EPHB1: variants seen among roughly 807,000 people sequenced by gnomAD.
The protein encoded by EPHB1 is EPH receptor B1.
EPHB1 carries 30 observed loss-of-function variants against 94.4 expected under a neutral mutation model. The ratio of observed to expected loss-of-function variants is 0.32; its 90% CI spans 0.24 to 0.43. The LOEUF is 0.43. EPHB1 is among the 20% of genes least tolerant of loss of function. The pLI, the probability that EPHB1 is intolerant of heterozygous loss-of-function variation, is 1.00. For missense variants in EPHB1, 1,055 were observed against 1,308.3 expected (o/e 0.81, Z 2.99); for synonymous variants, 522 against 489.1 (o/e 1.07, Z -0.89).
intron 1 of EPHB1, among the ~76,000 whole-genome samples, chr3:134,837,412 C>T (rs1354996727): frequency 2.0e-5 from 3 of 152,192 alleles, no homozygotes; most frequent in Non-Finnish European, 4.4e-5. Context: ...TGATTGTCAT[C>T]CTGCTGGGTT....
At chr3:134,927,668 C>T (rs1368358169) in intron 2 of EPHB1, among the ~76,000 whole-genome samples, 1 of 152,184 alleles carries the variant, frequency 6.6e-6, no homozygotes, top group Non-Finnish European at 1.5e-5. Context: ...TTTCTTTATA[C>T]TTCTGATATC....
rs951567752 is a variant in EPHB1, at chr3:135,259,210, A to C, written c.*90A>C. ...GACCACTGTGGAATGTACTGGAGAG[A>C]CTGGCTTCTCAGCTGAGGAATGCAT... On this transcript the variant is annotated 3_prime_UTR_variant, in exon 16 of 16. Transcript: ENST00000398015. The C allele has an allele frequency of 1.6e-5, 16 of 995,892 alleles. No individual in the cohort carries two copies. In the African/African-American group the frequency reaches 2.3e-4, roughly 14 times the overall value. The allele number at this position is 995,892 out of a possible 1,614,324, so 61.7% of individuals were successfully genotyped here.
intron 3 of EPHB1, among the ~76,000 whole-genome samples, chr3:134,975,716 GAAGAACAGTGTTTTTTTTTTA>G (rs1464376563): frequency 1.2e-4 from 18 of 152,036 alleles, no homozygotes; most frequent in Non-Finnish European, 2.1e-4. Flanking sequence ...TAAAGTTAGT[GAAGAACAGTGTTTTTTTTTTA>G]AACTATTCGT....
intron 4 of EPHB1, among the ~76,000 whole-genome samples, chr3:135,107,347 T>C (rs1939256803): frequency 6.6e-6 from 1 of 152,198 alleles, no homozygotes; most frequent in Non-Finnish European, 1.5e-5. Context: ...GGTGCATTTC[T>C]CCCAATATTC....
intron 5 of EPHB1, among the ~76,000 whole-genome samples, chr3:135,151,640 C>A (rs1339523334): frequency 6.6e-6 from 1 of 152,144 alleles, no homozygotes; most frequent in Non-Finnish European, 1.5e-5. Context: ...CCTCTAGAAC[C>A]TAAAAAGTGA....
At chr3:135,166,721 A>C (rs1414681660) in intron 8 of EPHB1, among the ~76,000 whole-genome samples, 2 of 152,360 alleles carry the variant, frequency 1.3e-5, no homozygotes, top group East Asian at 3.9e-4. Context: ...AGGCTTCTGC[A>C]AGACCTTGGC....
chr3:134,827,028 TCC>T (rs2036492516), intron 1 of EPHB1, among the ~76,000 whole-genome samples: 1 of 152,230 alleles, frequency 6.6e-6, no homozygotes, highest in South Asian at 2.1e-4. Flanking sequence ...GGAATAATTT[TCC>T]CTCCAGTGAG....
chr3:134,811,242 G>GGTTTTTTTTTTTTT (rs2036168294), intron 1 of EPHB1, among the ~76,000 whole-genome samples: 3 of 73,896 alleles, frequency 4.1e-5, no homozygotes, highest in African/African-American at 1.3e-4. Flanking sequence ...TACTAAGAAG[G>GGTTTTTTTTTTTTT]TTTTTTTTTT....
chr3:135,096,115 G>A (rs764345524), intron 3 of EPHB1, among the ~76,000 whole-genome samples: 75 of 152,196 alleles, frequency 4.9e-4, no homozygotes, highest in Non-Finnish European at 9.0e-4. Context: ...GTGAATTGTT[G>A]ATGAAAACAT....
intron 3 of EPHB1, among the ~76,000 whole-genome samples, chr3:135,096,724 C>G (rs1479251582): frequency 6.6e-6 from 1 of 152,174 alleles, no homozygotes; most frequent in Non-Finnish European, 1.5e-5. Context: ...CGTATTTCTT[C>G]TTATTAGGCC....
intron 1 of EPHB1, among the ~76,000 whole-genome samples, chr3:134,919,048 CAT>C (rs1251343509): frequency 2.6e-5 from 4 of 152,218 alleles, no homozygotes; most frequent in African/African-American, 9.6e-5. Context: ...CTGTGGTCCT[CAT>C]GTGCAGGAAT....
Position 135,259,830 on chromosome 3 carries a change from C to G in EPHB1, c.*710C>G. ...ATTGGGGAAAAAAAAAGAAGAAAAACCTGTTTCCGTGTGCAAAAGCACACA... is the reference window on the plus strand; with the variant it reads ...ATTGGGGAAAAAAAAAGAAGAAAAAGCTGTTTCCGTGTGCAAAAGCACACA... On this transcript the variant is annotated 3_prime_UTR_variant, in exon 16 of 16. Coordinates refer to ENST00000398015, the MANE Select transcript of EPHB1 (RefSeq NM_004441.5). The G allele has an allele frequency of 9.0e-6, 2 of 221,854 alleles. No homozygotes were observed. The highest frequency in any genetic ancestry group is 9.0e-6 in the Non-Finnish European group (1 of 110,640). 13.7% of individuals were successfully genotyped at this position (221,854 alleles called of 1,614,324 possible).
intron 5 of EPHB1, among the ~76,000 whole-genome samples, chr3:135,149,595 A>T (rs924332229): frequency 6.6e-6 from 1 of 152,232 alleles, no homozygotes; most frequent in Non-Finnish European, 1.5e-5. Flanking sequence ...TTGGAGAGGG[A>T]AAAACCAAAT....
intron 7 of EPHB1, among the ~76,000 whole-genome samples, chr3:135,164,258 C>A (rs2107699055): frequency 6.6e-6 from 1 of 152,284 alleles, no homozygotes; most frequent in African/African-American, 2.4e-5. Flanking sequence ...TGACTTCCGT[C>A]TTTAAAATTC....
chr3:134,893,976 C>T (rs968187061), intron 1 of EPHB1, among the ~76,000 whole-genome samples: 4 of 152,200 alleles, frequency 2.6e-5, no homozygotes, highest in African/African-American at 9.7e-5. Context: ...ATCTTTCTTC[C>T]CTAAGGAGCG....
rs111795080 is a variant in EPHB1 at position 135,252,322 on chromosome 3, G to A, written c.2846+2831G>A. 1.4e-3 allele frequency among the ~76,000 whole-genome samples: 211 copies of A among 148,862 alleles called. 1 individual carries two copies. The highest frequency in any genetic ancestry group is 5.0e-3 in the African/African-American group (200 of 40,102). On this transcript the variant is annotated intron_variant, in intron 15 of 15. Coordinates refer to ENST00000398015, the MANE Select transcript of EPHB1 (RefSeq NM_004441.5). ...GCTGGTGCGCTGCACCCACTAACTC[G>A]TCATCTAGCATAAGGTATATCTCCC...
At chr3:134,835,947 G>A (rs1488687869) in intron 1 of EPHB1, among the ~76,000 whole-genome samples, 3 of 152,218 alleles carry the variant, frequency 2.0e-5, no homozygotes, top group Non-Finnish European at 4.4e-5. Flanking sequence ...ACATAGAAAT[G>A]ACTGGCACAC....
intron 3 of EPHB1, among the ~76,000 whole-genome samples, chr3:135,083,677 AGGT>A: frequency 6.6e-6 from 1 of 152,162 alleles, no homozygotes; most frequent in East Asian, 1.9e-4. Context: ...AGGTAGGAGA[AGGT>A]GGTGATACTC....
intron 1 of EPHB1, among the ~76,000 whole-genome samples, chr3:134,895,948 T>C (rs1453970575): frequency 1.3e-5 from 2 of 152,192 alleles, no homozygotes; most frequent in East Asian, 3.9e-4. Flanking sequence ...AACCCATCTC[T>C]GGACTGGCAA....
Sources: gnomAD v4.1 joint callset for allele counts (sites outside exome capture counted in the v4.1 genomes callset) on GRCh38, gnomAD v4.1.1 for gene constraint, MANE v1.5 for transcripts, NCBI Gene and HGNC (gene_info 2026-07-23, HGNC 2026-07-21) for gene names.